Variants in SNX3 observed in about 807,000 individuals in gnomAD.
SNX3 encodes sorting nexin 3.
In SNX3, 5 loss-of-function variants were observed where a neutral mutation model predicts 17.7. The ratio of observed to expected loss-of-function variants is 0.28; its 90% CI spans 0.15 to 0.59. The LOEUF is 0.59. Ranked by LOEUF, SNX3 falls within the 20% of genes least tolerant of loss-of-function variation. The pLI is 0.88. For missense variants in SNX3, 132 were observed against 206.8 expected, an observed-to-expected ratio of 0.64 and a Z score of 2.22; for synonymous variants, 91 against 76.5, an observed-to-expected ratio of 1.19 and a Z score of -0.99.
At chr6:108,246,957 A>G (rs1381086065) in intron 1 of SNX3, among the ~76,000 whole-genome samples, 1 of 152,188 alleles carries the variant, frequency 6.6e-6, no homozygotes. Flanking sequence ...ATCATAAAGC[A>G]TGGTCAGGAT....
intron 3 of SNX3, among the ~76,000 whole-genome samples, chr6:108,213,656 A>AC (rs1774476055): frequency 6.6e-6 from 1 of 152,044 alleles, no homozygotes; most frequent in African/African-American, 2.4e-5. Flanking sequence ...TCTCAAAAAA[A>AC]AAAAAAAAAA....
At chr6:108,220,503 G>A (rs1774729647) in intron 2 of SNX3, among the ~76,000 whole-genome samples, 1 of 152,150 alleles carries the variant, frequency 6.6e-6, no homozygotes, top group Non-Finnish European at 1.5e-5. Context: ...TAGTCTAGGA[G>A]TAATAGGCTG....
At chr6:108,246,233 C>T (rs956408972) in intron 1 of SNX3, among the ~76,000 whole-genome samples, 40 of 147,954 alleles carry the variant, frequency 2.7e-4, no homozygotes, top group African/African-American at 6.5e-4. Flanking sequence ...CTAGGTTTGT[C>T]GAGGATCAGA....
chr6:108,215,275 G>A (rs768214595), intron 2 of SNX3, among the ~76,000 whole-genome samples: 28 of 151,796 alleles, frequency 1.8e-4, no homozygotes, highest in Non-Finnish European at 3.2e-4. Context: ...GCATGAACCC[G>A]GGAGGCAGAG....
At chr6:108,215,444 A>G (rs1046194181) in intron 2 of SNX3, among the ~76,000 whole-genome samples, 27 of 152,290 alleles carry the variant, frequency 1.8e-4, no homozygotes, top group African/African-American at 5.3e-4. Flanking sequence ...CAAAATACCA[A>G]TAACTCTAGT....
intron 1 of SNX3, among the ~76,000 whole-genome samples, chr6:108,250,715 G>A (rs2114762962): frequency 6.6e-6 from 1 of 152,306 alleles, no homozygotes. Context: ...TTATACAACA[G>A]AGAACTTCAT....
intron 1 of SNX3, among the ~76,000 whole-genome samples, chr6:108,248,530 T>C (rs1469614245): frequency 6.6e-6 from 1 of 152,092 alleles, no homozygotes; most frequent in East Asian, 1.9e-4. Flanking sequence ...GAAATTTAGT[T>C]AGAAAAAAAC....
At chr6:108,247,739 A>G (rs1456574454) in intron 1 of SNX3, among the ~76,000 whole-genome samples, 1 of 152,066 alleles carries the variant, frequency 6.6e-6, no homozygotes, top group Non-Finnish European at 1.5e-5. Context: ...AATGCAGTAG[A>G]ATAAACTATA....
chr6:108,238,814 GA>G (rs1440161850), intron 1 of SNX3, among the ~76,000 whole-genome samples: 1 of 152,014 alleles, frequency 6.6e-6, no homozygotes, highest in Non-Finnish European at 1.5e-5. Context: ...GGGGTGGGGG[GA>G]AAATGCAAAC....
chr6:108,248,032 G>A (rs138780309), intron 1 of SNX3, among the ~76,000 whole-genome samples: 61 of 152,250 alleles, frequency 4.0e-4, no homozygotes, highest in African/African-American at 1.4e-3. Context: ...TTGTGTCAGA[G>A]AGTAACAAGG....
Position 108,261,004 on chromosome 6 carries a change from TG to T in SNX3, c.-84del, listed in dbSNP as rs1178641514. 1.6e-5 allele frequency: 21 copies of T among 1,310,416 alleles called. No homozygotes were observed. The highest frequency in any genetic ancestry group is 1.6e-5 in the Non-Finnish European group (16 of 1,005,370). The allele number at this position is 1,310,416 out of a possible 1,614,324, so 81.2% of individuals were successfully genotyped here. ...CCGCCGCCGCCGCTGCTGCCCGCCG[TG>T]GGGACACGGGGCTCGCGCGCAGCGG... is the stretch of plus-strand genomic sequence containing the variant. On this transcript the variant is annotated 5_prime_UTR_variant, in exon 1 of 4. Coordinates refer to ENST00000230085, the MANE Select transcript of SNX3 (RefSeq NM_003795.6).
At chr6:108,249,144 G>A (rs780776290) in intron 1 of SNX3, among the ~76,000 whole-genome samples, 7 of 152,168 alleles carry the variant, frequency 4.6e-5, no homozygotes, top group Non-Finnish European at 8.8e-5. Flanking sequence ...AGGATCACTT[G>A]AGCTCACGAG....
intron 1 of SNX3, among the ~76,000 whole-genome samples, chr6:108,251,675 C>T (rs768198829): frequency 1.5e-4 from 23 of 152,182 alleles, no homozygotes; most frequent in Non-Finnish European, 3.1e-4. Context: ...GAGAACAGCC[C>T]AAACTCTATA....
At chr6:108,245,241 G>A (rs537400453) in intron 1 of SNX3, among the ~76,000 whole-genome samples, 2 of 152,230 alleles carry the variant, frequency 1.3e-5, no homozygotes, top group African/African-American at 2.4e-5. Context: ...TTAGTTTGCT[G>A]AGGATGATAG....
At position 108,220,747 on chromosome 6, in the gene SNX3, G is replaced by A. The variant is rs189763584; in HGVS notation, c.258+2203C>T. On this transcript the variant is annotated intron_variant, in intron 2 of 3. Transcript: ENST00000230085. The stretch of plus-strand genomic sequence containing the variant: ...AATCCCAGCACTTTGGGAGGCCGAG[G>A]AGGGCGGATCACCTGAGGTCAGGAG... Among the ~76,000 whole-genome samples, 843 of 152,296 alleles carry A rather than the reference G, an allele frequency of 5.5e-3. 8 individuals are homozygous for A. Among genetic ancestry groups the A allele is most frequent in the African/African-American group, 0.02 (813 of 41,558 alleles).
intron 2 of SNX3, among the ~76,000 whole-genome samples, chr6:108,220,389 C>T (rs186180573): frequency 1.3e-5 from 2 of 152,084 alleles, no homozygotes; most frequent in East Asian, 1.9e-4. Flanking sequence ...GTCTTCCACG[C>T]TGTATTTTTT....
intron 1 of SNX3, among the ~76,000 whole-genome samples, chr6:108,253,516 C>A (rs953930252): frequency 6.6e-6 from 1 of 151,800 alleles, no homozygotes; most frequent in Non-Finnish European, 1.5e-5. Flanking sequence ...CTGTGTCTCC[C>A]CTTCCTCCCA....
intron 1 of SNX3, among the ~76,000 whole-genome samples, chr6:108,255,640 C>T (rs754207489): frequency 1.3e-5 from 2 of 152,150 alleles, no homozygotes; most frequent in African/African-American, 2.4e-5. Flanking sequence ...CAGGAGCCAC[C>T]GTGCCCGACC....
chr6:108,243,574 GAA>G (rs1775588598), intron 1 of SNX3, among the ~76,000 whole-genome samples: 1 of 151,924 alleles, frequency 6.6e-6, no homozygotes, highest in African/African-American at 2.4e-5. Context: ...CTTAGAAAAA[GAA>G]AAAAGAAATA....
Sources: gnomAD v4.1 joint callset for allele counts (sites outside exome capture counted in the v4.1 genomes callset) on GRCh38, gnomAD v4.1.1 for gene constraint, MANE v1.5 for transcripts, NCBI Gene and HGNC (gene_info 2026-07-23, HGNC 2026-07-21) for gene names.